The following AUTS2 variants were observed in gnomAD, a reference collection of about 807,000 sequenced individuals.
The protein encoded by AUTS2 is activator of transcription and developmental regulator AUTS2, also known as autism susceptibility gene 2 protein.
In AUTS2, 17 loss-of-function variants were observed where a neutral mutation model predicts 112.4. That is an observed-to-expected ratio of 0.15 (90% CI 0.10 to 0.23). AUTS2 has a LOEUF of 0.23. AUTS2 is among the 10% of genes least tolerant of loss of function. The pLI is 1.00. For synonymous variants in AUTS2, 751 were observed against 702.7 expected (o/e 1.07, Z -1.09); for missense variants, 1,510 against 1,701.6 (o/e 0.89, Z 1.98).
At chr7:70,306,796 G>T (rs1341727874) in intron 4 of AUTS2, among the ~76,000 whole-genome samples, 3 of 152,210 alleles carry the variant, frequency 2.0e-5, no homozygotes, top group African/African-American at 7.2e-5. Context: ...ATCGCTGGAG[G>T]TTTGATTAGA....
intron 5 of AUTS2, among the ~76,000 whole-genome samples, chr7:70,584,900 C>A (rs184257726): frequency 1.1e-4 from 17 of 152,356 alleles, no homozygotes; most frequent in Admixed American, 1.1e-3. Context: ...CTCACCCAGC[C>A]AGGAGCATGT....
At chr7:69,770,537 ATGAGCTACATGGCATGTAGAG>A (rs1319995467) in intron 1 of AUTS2, among the ~76,000 whole-genome samples, 4 of 151,976 alleles carry the variant, frequency 2.6e-5, no homozygotes, top group Non-Finnish European at 4.4e-5. Context: ...CCTGTTGGGC[ATGAGCTACATGGCATGTAGAG>A]TGAGCTACAT....
chr7:70,360,615 G>A (rs1304645749), intron 4 of AUTS2, among the ~76,000 whole-genome samples: 3 of 152,194 alleles, frequency 2.0e-5, no homozygotes, highest in African/African-American at 4.8e-5. Context: ...AAGTTGGGCA[G>A]CGGGACTAAT....
At chr7:70,409,105 C>T (rs1446160120) in intron 4 of AUTS2, among the ~76,000 whole-genome samples, 2 of 152,186 alleles carry the variant, frequency 1.3e-5, no homozygotes, top group Non-Finnish European at 2.9e-5. Context: ...CTAATGGTCT[C>T]ACCACCTTAT....
rs565350993 is a variant in AUTS2 at position 70,034,989 on chromosome 7, G to T, written c.523-83143G>T. On this transcript the variant is annotated intron_variant, in intron 2 of 18. Transcript: ENST00000342771. ...TGGGACTATAGTCACGTGCCATTAC[G>T]CCTGGCTCAATTCTACTTTTGATGA... is the stretch of plus-strand genomic sequence containing the variant. Among the ~76,000 whole-genome samples the T allele has an allele frequency of 4.7e-4, 71 of 152,166 alleles. 1 individual carries two copies. The South Asian group carries it at 0.011, about 24-fold the overall frequency.
chr7:69,830,455 T>C (rs138385755), intron 1 of AUTS2, among the ~76,000 whole-genome samples: 44 of 152,330 alleles, frequency 2.9e-4, no homozygotes, highest in Non-Finnish European at 5.0e-4. Flanking sequence ...TTTCTTGTTG[T>C]CTTATTTCAC....
chr7:70,791,760 T>A lies in AUTS2; in HGVS notation c.*764T>A, dbSNP rs1791979750. On this transcript the variant is annotated 3_prime_UTR_variant, in exon 19 of 19. Transcript: ENST00000342771. ...TTTTTTTTCAAACGGAGAAACATCC[T>A]GTTTTGCAAATTGGACCCCAGGCTG... The A allele has an allele frequency of 6.6e-6, 1 of 152,262 alleles. No homozygotes were observed. The highest frequency in any genetic ancestry group is 2.1e-4 in the South Asian group (1 of 4,830). 9.4% of individuals were successfully genotyped at this position (152,262 alleles called of 1,614,324 possible). A position where few individuals can be genotyped will look rare whatever the true frequency, so the allele number is the denominator to read the frequency against.
intron 4 of AUTS2, among the ~76,000 whole-genome samples, chr7:70,362,747 A>G (rs1792331191): frequency 6.6e-6 from 1 of 152,146 alleles, no homozygotes; most frequent in Admixed American, 6.6e-5. Context: ...TGTACATTCT[A>G]ACATTCCAAA....
intron 4 of AUTS2, among the ~76,000 whole-genome samples, chr7:70,170,337 T>C (rs943140272): frequency 4.0e-5 from 6 of 151,782 alleles, no homozygotes; most frequent in African/African-American, 1.5e-4. Flanking sequence ...ATTTTTGTAG[T>C]GTTGGGGCTT....
At chr7:70,038,783 A>T (rs1801119405) in intron 2 of AUTS2, among the ~76,000 whole-genome samples, 1 of 151,916 alleles carries the variant, frequency 6.6e-6, no homozygotes, top group Non-Finnish European at 1.5e-5. Flanking sequence ...TATTATTATT[A>T]TTTTTGAAAC....
At chr7:70,374,355 T>A (rs1562919835) in intron 4 of AUTS2, among the ~76,000 whole-genome samples, 1 of 152,240 alleles carries the variant, frequency 6.6e-6, no homozygotes, top group Non-Finnish European at 1.5e-5. Flanking sequence ...AAAACCTATC[T>A]ATTAGGATTA....
intron 1 of AUTS2, among the ~76,000 whole-genome samples, chr7:69,874,475 C>T (rs971482493): frequency 6.6e-6 from 1 of 152,134 alleles, no homozygotes; most frequent in African/African-American, 2.4e-5. Flanking sequence ...TTGGAGATGT[C>T]ACAATCCTAC....
intron 4 of AUTS2, among the ~76,000 whole-genome samples, chr7:70,230,979 A>G (rs1037687690): frequency 6.6e-6 from 1 of 152,230 alleles, no homozygotes; most frequent in Non-Finnish European, 1.5e-5. Flanking sequence ...GGGTGGAACT[A>G]GGGAGTGGGA....
At chr7:70,113,780 T>C (rs562799687) in intron 2 of AUTS2, among the ~76,000 whole-genome samples, 11 of 152,320 alleles carry the variant, frequency 7.2e-5, no homozygotes, top group African/African-American at 2.6e-4. Context: ...AAGTAGCATC[T>C]TTTTGAAACT....
At chr7:70,584,164 A>G (rs1437318459) in intron 5 of AUTS2, among the ~76,000 whole-genome samples, 2 of 152,228 alleles carry the variant, frequency 1.3e-5, no homozygotes, top group Non-Finnish European at 2.9e-5. Context: ...GCACTGAAGT[A>G]ATGCCCTGTA....
At chr7:70,572,403 T>C (rs1801981062) in intron 5 of AUTS2, among the ~76,000 whole-genome samples, 1 of 146,738 alleles carries the variant, frequency 6.8e-6, no homozygotes, top group South Asian at 2.3e-4. Flanking sequence ...TAATAGCTTA[T>C]TTCATGTGCC....
chr7:70,578,282 G>A (rs528911167), intron 5 of AUTS2, among the ~76,000 whole-genome samples: 8 of 152,216 alleles, frequency 5.3e-5, no homozygotes, highest in Non-Finnish European at 1.2e-4. Flanking sequence ...GCTATCTATG[G>A]TTTGTTAGTT....
intron 1 of AUTS2, among the ~76,000 whole-genome samples, chr7:69,750,504 A>C (rs995477370): frequency 6.6e-6 from 1 of 150,688 alleles, no homozygotes; most frequent in African/African-American, 2.4e-5. Flanking sequence ...TAGTAGTAGC[A>C]GTAGTAGTAG....
intron 15 of AUTS2, chr7:70,784,295 C>T (rs1791287794): frequency 6.6e-6 from 1 of 152,180 alleles, no homozygotes; most frequent in Non-Finnish European, 1.5e-5. Context: ...ACATACTCTT[C>T]AGGAGAAGGG....
Sources: gnomAD v4.1 joint callset for allele counts (sites outside exome capture counted in the v4.1 genomes callset) on GRCh38, gnomAD v4.1.1 for gene constraint, MANE v1.5 for transcripts, NCBI Gene and HGNC (gene_info 2026-07-23, HGNC 2026-07-21) for gene names.